RAI14: variants seen among roughly 807,000 people sequenced by gnomAD.
RAI14 encodes ankycorbin.
Under a neutral mutation model 115.4 loss-of-function variants are expected in RAI14, and 45 were observed. The ratio of observed to expected loss-of-function variants is 0.39; its 90% CI spans 0.31 to 0.50. The LOEUF (loss-of-function observed/expected upper bound fraction) is 0.50. RAI14 is among the 20% of genes least tolerant of loss of function. The pLI, the probability that RAI14 is intolerant of heterozygous loss-of-function variation, is 0.85. For synonymous variants in RAI14, 371 were observed against 415.4 expected (o/e 0.89, Z 1.30); for missense variants, 939 against 1,131.2 (o/e 0.83, Z 2.44).
intron 3 of RAI14, among the ~76,000 whole-genome samples, chr5:34,794,078 CA>C (rs1447017012): frequency 6.6e-6 from 1 of 152,114 alleles, no homozygotes; most frequent in Admixed American, 6.5e-5. Flanking sequence ...GGAATTATTG[CA>C]CTGCCAGTAT....
chr5:34,809,829 C>T (rs1382887447), intron 7 of RAI14, among the ~76,000 whole-genome samples: 4 of 152,128 alleles, frequency 2.6e-5, no homozygotes, highest in South Asian at 4.1e-4. Context: ...ATAACTTCTA[C>T]GTAGAATCTC....
rs1175397430 is a variant in RAI14 at position 34,665,099 on chromosome 5, A to G, written c.-49+8624A>G. 4.7e-5 allele frequency among the ~76,000 whole-genome samples: 2 copies of G among 42,488 alleles called. 1 individual carries two copies. Among genetic ancestry groups the G allele is most frequent in the Non-Finnish European group, 1.0e-4 (2 of 20,092 alleles). The allele number at this position is 42,488 out of a possible 152,430, so 27.9% of individuals were successfully genotyped here. ...TATATGTGTATATATATGTGTATATATATGTGTATATATATGTGTATATAT... is the reference window on the plus strand; with the variant it reads ...TATATGTGTATATATATGTGTATATGTATGTGTATATATATGTGTATATAT... On this transcript the variant is annotated intron_variant, in intron 1 of 17. Transcript: ENST00000265109.
At chr5:34,824,946 C>CA (rs1174399473) in intron 15 of RAI14, among the ~76,000 whole-genome samples, 1,501 of 66,264 alleles carry the variant, frequency 0.023, 31 homozygotes, top group African/African-American at 0.033. Context: ...GACTTCATCT[C>CA]AAAAAAAAAA....
intron 2 of RAI14, among the ~76,000 whole-genome samples, chr5:34,695,259 C>T (rs773311083): frequency 6.6e-6 from 1 of 152,084 alleles, no homozygotes; most frequent in Non-Finnish European, 1.5e-5. Context: ...TCTGTGAGGT[C>T]CCAATGGGTG....
intron 2 of RAI14, among the ~76,000 whole-genome samples, chr5:34,748,819 A>T (rs1055127890): frequency 4.4e-5 from 2 of 44,962 alleles, no homozygotes; most frequent in South Asian, 4.9e-4. Context: ...AATAAAAATT[A>T]AAAAAAAAAA....
At chr5:34,659,034 G>A (rs1342466479) in intron 1 of RAI14, 3 of 151,982 alleles carry the variant, frequency 2.0e-5, no homozygotes, top group African/African-American at 7.3e-5. Flanking sequence ...CAGTTCTCAA[G>A]CATGTTTGGA....
intron 2 of RAI14, among the ~76,000 whole-genome samples, chr5:34,722,776 G>A (rs1311660685): frequency 3.3e-5 from 5 of 150,848 alleles, no homozygotes; most frequent in Non-Finnish European, 5.9e-5. Context: ...AACCAGGGAG[G>A]TGGAGGTTGC....
At chr5:34,714,048 C>T (rs556407766) in intron 2 of RAI14, among the ~76,000 whole-genome samples, 26 of 151,474 alleles carry the variant, frequency 1.7e-4, no homozygotes, top group South Asian at 2.1e-4. Context: ...ATGATCTGCC[C>T]GCCTCGGCCT....
At chr5:34,705,446 A>G (rs1740595546) in intron 2 of RAI14, among the ~76,000 whole-genome samples, 1 of 152,178 alleles carries the variant, frequency 6.6e-6, no homozygotes, top group Non-Finnish European at 1.5e-5. Flanking sequence ...AAATGAGGCT[A>G]TCAGGAAATA....
At position 34,811,130 on chromosome 5, in the gene RAI14, T is replaced by G. The variant is rs1421984989; in HGVS notation, c.557+12T>G. ...AACAAAAGTGGAAGGTACTCCAGAA[T>G]TAGGCAGAAATCATGTGACTTCAGT... On this transcript the variant is annotated intron_variant, in intron 8 of 17. Transcript: ENST00000265109. 1.2e-6 allele frequency: 2 copies of G among 1,613,132 alleles called. No homozygotes were observed. Among genetic ancestry groups the G allele is most frequent in the African/African-American group, 2.7e-5 (2 of 74,902 alleles).
At chr5:34,687,917 C>T (rs1291579862) in intron 2 of RAI14, among the ~76,000 whole-genome samples, 1 of 152,132 alleles carries the variant, frequency 6.6e-6, no homozygotes, top group Non-Finnish European at 1.5e-5. Flanking sequence ...AAGCTTATCT[C>T]CTGAGGCTGC....
intron 1 of RAI14, among the ~76,000 whole-genome samples, chr5:34,661,179 C>T (rs979449849): frequency 7.9e-5 from 12 of 152,088 alleles, no homozygotes; most frequent in East Asian, 5.8e-4. Flanking sequence ...TGAAGTGCTC[C>T]GGTGGGTCTT....
At position 34,811,831 on chromosome 5, in the gene RAI14, G is replaced by C. The variant is rs113496430; in HGVS notation, c.622G>C (p.Gly208Arg). ...CGCTGTGGAAGCCTTAATTAAAAAG[G>C]GTGCAGACCTAAACCTTGTAGATTC... ...SNAVEALIKKGADLNLVDSLG... is the reference protein window; with the variant it reads ...SNAVEALIKKRADLNLVDSLG... Residue 208 changes from glycine (G) to arginine (R), a missense_variant, in exon 9 of 18, where the codon GGT becomes CGT. Transcript: ENST00000265109. 1.2e-6 allele frequency: 2 copies of C among 1,613,184 alleles called. No homozygotes were observed. Among genetic ancestry groups the C allele is most frequent in the African/African-American group, 2.7e-5 (2 of 74,986 alleles).
rs531601217 is a variant in RAI14 at position 34,695,084 on chromosome 5, G to T, written c.36+8129G>T. Among the ~76,000 whole-genome samples, 113 of 152,212 alleles carry T rather than the reference G, an allele frequency of 7.4e-4. 1 individual carries two copies. Among genetic ancestry groups the T allele is most frequent in the Middle Eastern group, 6.8e-3 (2 of 294 alleles). ...CGGCTGATTTTTTGTATTTTTAGTA[G>T]AGAGAGGGTTTCGCCATGTTGCCCA... is the stretch of plus-strand genomic sequence containing the variant. On this transcript the variant is annotated intron_variant, in intron 2 of 17. Transcript: ENST00000265109.
chr5:34,700,008 G>A (rs1384567754), intron 2 of RAI14, among the ~76,000 whole-genome samples: 1 of 152,176 alleles, frequency 6.6e-6, no homozygotes, highest in Non-Finnish European at 1.5e-5. Flanking sequence ...GGGGAGAGGG[G>A]CGGAGAATAT....
rs1457273866 is a variant in RAI14 at position 34,791,048 on chromosome 5, AG to A, written c.168-4890del. On this transcript the variant is annotated intron_variant, in intron 3 of 17. Coordinates refer to ENST00000265109, the MANE Select transcript of RAI14 (RefSeq NM_015577.3). The surrounding 1 kb of genome is among the most constrained non-coding windows in gnomAD (Gnocchi z 5.4). Reference sequence around the variant, plus strand: ...AGCTGATACATTTTTGTATTTTCTGAGAGTCTTAATTACATTTTACAAATTA... The same window carrying A: ...AGCTGATACATTTTTGTATTTTCTGAAGTCTTAATTACATTTTACAAATTA... Among the ~76,000 whole-genome samples, 1 of 152,076 alleles carries A rather than the reference AG, an allele frequency of 6.6e-6. No individual in the cohort carries two copies. Among genetic ancestry groups the A allele is most frequent in the Non-Finnish European group, 1.5e-5 (1 of 68,008 alleles).
chr5:34,822,250 G>GTA (rs376790121), intron 14 of RAI14, among the ~76,000 whole-genome samples: 4,761 of 134,662 alleles, frequency 0.035, 115 homozygotes, highest in Admixed American at 0.061. Flanking sequence ...ATGTGTGTAT[G>GTA]TATATATATA....
At chr5:34,678,120 C>A (rs1272971683) in intron 1 of RAI14, among the ~76,000 whole-genome samples, 1 of 148,294 alleles carries the variant, frequency 6.7e-6, no homozygotes, top group Non-Finnish European at 1.5e-5. Flanking sequence ...TTTTTTGAGA[C>A]ACAGTCTCAC....
chr5:34,725,650 C>T (rs1053205136), intron 2 of RAI14, among the ~76,000 whole-genome samples: 22 of 151,746 alleles, frequency 1.4e-4, no homozygotes, highest in Non-Finnish European at 2.4e-4. Context: ...AATACGTCAC[C>T]GATAACCAAG....
Sources: allele counts gnomAD v4.1 joint callset (sites outside exome capture counted in the v4.1 genomes callset), GRCh38; gene constraint gnomAD v4.1.1; non-coding constraint Gnocchi (gnomAD v3.1); transcripts MANE v1.5; gene names NCBI Gene and HGNC (gene_info 2026-07-23, HGNC 2026-07-21).